Variants in FAM200B observed in about 807,000 individuals in gnomAD.
FAM200B encodes the protein protein FAM200B.
Under a neutral mutation model 33.1 loss-of-function variants are expected in FAM200B, and 32 were observed. The observed-to-expected ratio is 0.97, with a 90% confidence interval of 0.73 to 1.30. FAM200B has a LOEUF of 1.30. Among genes scored for constraint, FAM200B ranks in the 50% most tolerant of loss-of-function variants. The pLI is 0.00. For synonymous variants in FAM200B, 240 were observed against 264.8 expected, an observed-to-expected ratio of 0.91 and a Z score of 0.91; for missense variants, 741 against 754.0, an observed-to-expected ratio of 0.98 and a Z score of 0.20.
At chr4:15,651,740 A>G in the FAM200B span, among the ~76,000 whole-genome samples, 2 of 152,374 alleles carry the variant, frequency 1.3e-5, no homozygotes, top group East Asian at 3.9e-4. Context: ...CTTTCATAAA[A>G]GTAAACAGCA....
chr4:15,657,171 C>CT, the FAM200B span, among the ~76,000 whole-genome samples: 1 of 152,186 alleles, frequency 6.6e-6, no homozygotes, highest in African/African-American at 2.4e-5. Context: ...TATTTACCCT[C>CT]TATTTCTTTA....
intron 1 of FAM200B, among the ~76,000 whole-genome samples, chr4:15,683,100 G>C (rs1212438610): frequency 6.6e-6 from 1 of 152,152 alleles, no homozygotes; most frequent in East Asian, 1.9e-4. Context: ...GGGAATTTTA[G>C]ACTATCAAGC....
At chr4:15,645,414 G>A in the FAM200B span, among the ~76,000 whole-genome samples, 1 of 151,896 alleles carries the variant, frequency 6.6e-6, no homozygotes, top group Non-Finnish European at 1.5e-5. Context: ...TGTAACCCTG[G>A]GTAAGTTACT....
the FAM200B span, among the ~76,000 whole-genome samples, chr4:15,666,975 A>C: frequency 3.3e-5 from 5 of 152,328 alleles, no homozygotes; most frequent in African/African-American, 1.2e-4. Flanking sequence ...GTATCTCATA[A>C]ATGTATACAA....
chr4:15,644,406 T>G, the FAM200B span: 2 of 1,042,626 alleles, frequency 1.9e-6, no homozygotes, highest in Non-Finnish European at 2.8e-6. Flanking sequence ...TTACATCATT[T>G]ACTATAAAAC....
At chr4:15,658,297 G>A in the FAM200B span, among the ~76,000 whole-genome samples, 1 of 152,224 alleles carries the variant, frequency 6.6e-6, no homozygotes, top group African/African-American at 2.4e-5. Flanking sequence ...GATCCTTACT[G>A]TCCATCAAAA....
chr4:15,682,666 A>T (rs951504641), intron 1 of FAM200B, among the ~76,000 whole-genome samples: 1 of 152,222 alleles, frequency 6.6e-6, no homozygotes, highest in African/African-American at 2.4e-5. Context: ...GTCACTGTTC[A>T]TTGTTTAGTA....
chr4:15,689,920 G>C lies in FAM200B; in HGVS notation c.*969G>C, dbSNP rs562006052. 6.0e-6 allele frequency: 1 copy of C among 167,058 alleles called. No homozygotes were observed. Among genetic ancestry groups the C allele is most frequent in the East Asian group, 1.9e-4 (1 of 5,184 alleles). 10.3% of individuals were successfully genotyped at this position (167,058 alleles called of 1,614,324 possible). Reference sequence around the variant, plus strand: ...TACTGATTGTCATTCTGCCACCCTGGAGTATATAATTTTTAATTATCTGAT... The same window carrying C: ...TACTGATTGTCATTCTGCCACCCTGCAGTATATAATTTTTAATTATCTGAT... On this transcript the variant is annotated 3_prime_UTR_variant, in exon 2 of 2. Transcript: ENST00000422728.
rs1447758243 is a variant in FAM200B at position 15,686,423 on chromosome 4, A to C, written c.-555A>C. Reference sequence around the variant, plus strand: ...CTTATACAAGTCAACAGTCTAGCAGATCAGCCAGTCTCTTTCATCATCAAG... The same window carrying C: ...CTTATACAAGTCAACAGTCTAGCAGCTCAGCCAGTCTCTTTCATCATCAAG... On this transcript the variant is annotated 5_prime_UTR_variant, in exon 2 of 2. Transcript: ENST00000422728. 1 of 152,168 alleles carries C rather than the reference A, an allele frequency of 6.6e-6. No individual in the cohort carries two copies. The highest frequency in any genetic ancestry group is 6.5e-5 in the Admixed American group (1 of 15,268). 9.4% of individuals were successfully genotyped at this position (152,168 alleles called of 1,614,324 possible). A position where few individuals can be genotyped will look rare whatever the true frequency, so the allele number is the denominator to read the frequency against.
At chr4:15,659,598 C>T in the FAM200B span, 2 of 261,974 alleles carry the variant, frequency 7.6e-6, no homozygotes, top group South Asian at 2.8e-4. Flanking sequence ...TTAGATAATA[C>T]TAAAATCATA....
the FAM200B span, chr4:15,656,281 C>T: frequency 2.2e-6 from 1 of 456,186 alleles, no homozygotes; most frequent in Admixed American, 2.3e-5. Flanking sequence ...GGCCACAGAC[C>T]TCCTGGAGAC....
rs1303975460 is a variant in FAM200B, at chr4:15,688,126, T to C, written c.1149T>C (p.His383=). Residue 383 remains histidine, a synonymous_variant, in exon 2 of 2, where the codon CAT becomes CAC. Transcript: ENST00000422728. ...CTAATCATACCCACTTACTATATCA[T>C]ACCAAAATTCGTTGGTTGTCTCAAG... ...IGTNHTHLLY[H]TKIRWLSQGK... is the part of the protein sequence containing the mutation. 1 of 1,551,260 alleles carries C rather than the reference T, an allele frequency of 6.4e-7. No homozygotes were observed. The highest frequency in any genetic ancestry group is 2.0e-5 in the Admixed American group (1 of 50,992).
At chr4:15,658,753 T>TA in the FAM200B span, among the ~76,000 whole-genome samples, 1 of 152,340 alleles carries the variant, frequency 6.6e-6, no homozygotes, top group East Asian at 1.9e-4. Context: ...GAAAACAGAC[T>TA]AAGACAGGCA....
chr4:15,655,435 G>A, the FAM200B span: 1 of 984,832 alleles, frequency 1.0e-6, no homozygotes, highest in Non-Finnish European at 1.2e-6. Context: ...CGGGGACGCG[G>A]GGGCGCGCAG....
At chr4:15,684,686 A>G (rs1302616797) in intron 1 of FAM200B, 2 of 152,270 alleles carry the variant, frequency 1.3e-5, no homozygotes, top group Non-Finnish European at 2.9e-5. Context: ...TGCATTAGAA[A>G]GAGATCTAGA....
At chr4:15,659,026 C>G in the FAM200B span, among the ~76,000 whole-genome samples, 1 of 152,206 alleles carries the variant, frequency 6.6e-6, no homozygotes. Context: ...CATCCTTAAT[C>G]AGCTGCAGTG....
At position 15,689,953 on chromosome 4, in the gene FAM200B, A is replaced by T. The variant is rs1006754147; in HGVS notation, c.*1002A>T. On this transcript the variant is annotated 3_prime_UTR_variant, in exon 2 of 2. Transcript: ENST00000422728. ...AATTTTTAATTATCTGATTACTGTT[A>T]TTCTTCCATAGTAGGGGAGGTGATA... is the stretch of plus-strand genomic sequence containing the variant. The T allele has an allele frequency of 1.2e-5, 2 of 166,968 alleles. No homozygotes were observed. Among genetic ancestry groups the T allele is most frequent in the Non-Finnish European group, 2.9e-5 (2 of 68,108 alleles). 10.3% of individuals were successfully genotyped at this position (166,968 alleles called of 1,614,324 possible). A position where few individuals can be genotyped will look rare whatever the true frequency, so the allele number is the denominator to read the frequency against.
the FAM200B span, among the ~76,000 whole-genome samples, chr4:15,646,349 G>A: frequency 6.9e-6 from 1 of 145,120 alleles, no homozygotes; most frequent in African/African-American, 2.6e-5. Context: ...GGACATACTT[G>A]GTTAAATACA....
the FAM200B span, among the ~76,000 whole-genome samples, chr4:15,647,848 CAG>C: frequency 6.6e-6 from 1 of 152,152 alleles, no homozygotes; most frequent in African/African-American, 2.4e-5. Context: ...AACTACTTCA[CAG>C]AGTTCTTGTG....
Sources: allele counts gnomAD v4.1 joint callset (sites outside exome capture counted in the v4.1 genomes callset), GRCh38; gene constraint gnomAD v4.1.1; transcripts MANE v1.5; gene names NCBI Gene and HGNC (gene_info 2026-07-23, HGNC 2026-07-21).